RAB6B: variants seen among roughly 807,000 people sequenced by gnomAD.
The protein encoded by RAB6B is ras-related protein Rab-6B.
A neutral mutation model predicts 31.2 loss-of-function variants in RAB6B; 7 were observed. The ratio of observed to expected loss-of-function variants is 0.22; its 90% CI spans 0.13 to 0.42. The LOEUF (loss-of-function observed/expected upper bound fraction) is 0.42, where lower values mean the gene tolerates loss of function less well. RAB6B is among the 10% of genes least tolerant of loss of function. The pLI, the probability that RAB6B is intolerant of heterozygous loss-of-function variation, is 1.00. For missense variants in RAB6B, 149 were observed against 280.6 expected (o/e 0.53, Z 3.35); for synonymous variants, 105 against 104.9 (o/e 1.00, Z -0.01).
chr3:133,876,933 TG>T (rs1936405630), intron 1 of RAB6B, among the ~76,000 whole-genome samples: 1 of 151,698 alleles, frequency 6.6e-6, no homozygotes. Context: ...ACTTTAGCTC[TG>T]GTCAAAATGG....
Position 133,895,564 on chromosome 3 carries a change from G to A in RAB6B, c.-98C>T. 1.6e-6 allele frequency: 2 copies of A among 1,250,898 alleles called. No individual in the cohort carries two copies. Among genetic ancestry groups the A allele is most frequent in the South Asian group, 1.3e-5 (1 of 78,024 alleles). 77.5% of individuals were successfully genotyped at this position (1,250,898 alleles called of 1,614,324 possible). ...CGAGGGGAGGCGGCCGGCGGTGCGG[G>A]AGCCGGAGGGGGAAGGGCTGGCTGC... On this transcript the variant is annotated 5_prime_UTR_variant, in exon 1 of 8. Transcript: ENST00000285208.
chr3:133,885,849 G>C (rs943289666), intron 1 of RAB6B, among the ~76,000 whole-genome samples: 1 of 152,204 alleles, frequency 6.6e-6, no homozygotes, highest in Non-Finnish European at 1.5e-5. Context: ...TTCAGAACTG[G>C]AAGGAAGCTT....
At chr3:133,829,226 G>T (rs1323965602) in intron 7 of RAB6B, among the ~76,000 whole-genome samples, 1 of 152,206 alleles carries the variant, frequency 6.6e-6, no homozygotes, top group East Asian at 1.9e-4. Flanking sequence ...CAATGGAGAT[G>T]AAGAGCCTGC....
At chr3:133,893,824 G>C (rs999335910) in intron 1 of RAB6B, among the ~76,000 whole-genome samples, 2 of 152,148 alleles carry the variant, frequency 1.3e-5, no homozygotes, top group African/African-American at 4.8e-5. Context: ...CTAGCACTGG[G>C]ATGTGAATAC....
chr3:133,827,223 T>C lies in RAB6B; in HGVS notation c.*1565A>G, dbSNP rs1228567643. On this transcript the variant is annotated 3_prime_UTR_variant, in exon 8 of 8. Transcript: ENST00000285208. ...GTTTCAAAATTCATTCCAACGACCT[T>C]GTGGAGTTCAGCCCACCATACCCCA... The C allele has an allele frequency of 6.6e-6, 1 of 152,228 alleles. No homozygotes were observed. Among genetic ancestry groups the C allele is most frequent in the Non-Finnish European group, 1.5e-5 (1 of 68,052 alleles). The allele number at this position is 152,228 out of a possible 1,614,324, so 9.4% of individuals were successfully genotyped here.
chr3:133,893,797 C>G (rs978298880), intron 1 of RAB6B, among the ~76,000 whole-genome samples: 4 of 152,182 alleles, frequency 2.6e-5, no homozygotes, highest in African/African-American at 9.7e-5. Flanking sequence ...TCTCCCAGGG[C>G]TCCAGGCCGG....
intron 1 of RAB6B, among the ~76,000 whole-genome samples, chr3:133,870,878 A>G (rs1027150657): frequency 2.6e-5 from 4 of 152,226 alleles, no homozygotes; most frequent in Admixed American, 6.5e-5. Flanking sequence ...GGGGATGTCC[A>G]GAGGAGCTTG....
intron 7 of RAB6B, among the ~76,000 whole-genome samples, chr3:133,832,643 G>A (rs1335776659): frequency 6.6e-6 from 1 of 152,216 alleles, no homozygotes; most frequent in African/African-American, 2.4e-5. Context: ...GGCTGCCTCT[G>A]CCTGGTCCCT....
intron 5 of RAB6B, among the ~76,000 whole-genome samples, chr3:133,838,809 G>A (rs1478457359): frequency 6.6e-6 from 1 of 152,206 alleles, no homozygotes; most frequent in Non-Finnish European, 1.5e-5. Flanking sequence ...TAGTAAAGCA[G>A]GCTCTAATTC....
intron 2 of RAB6B, among the ~76,000 whole-genome samples, chr3:133,845,414 C>A (rs965977781): frequency 1.3e-5 from 2 of 152,220 alleles, no homozygotes; most frequent in Non-Finnish European, 2.9e-5. Context: ...GAGGACACAG[C>A]ATAAAGGTGA....
chr3:133,874,895 A>G (rs1936370874), intron 1 of RAB6B, among the ~76,000 whole-genome samples: 1 of 152,116 alleles, frequency 6.6e-6, no homozygotes. Context: ...GATCACCAAT[A>G]TCGCTGTCTT....
chr3:133,850,624 T>A (rs1444999312), intron 2 of RAB6B, among the ~76,000 whole-genome samples: 2 of 151,610 alleles, frequency 1.3e-5, no homozygotes, highest in Non-Finnish European at 2.9e-5. Flanking sequence ...AAAGGAAGCA[T>A]AAAGAGAAAA....
intron 1 of RAB6B, among the ~76,000 whole-genome samples, chr3:133,891,604 T>G (rs1391368417): frequency 6.6e-6 from 1 of 152,046 alleles, no homozygotes; most frequent in East Asian, 1.9e-4. Context: ...GGACTATAAG[T>G]TCCAGGAGGG....
rs1020325020 is a variant in RAB6B at position 133,828,816 on chromosome 3, G to A, written c.599C>T (p.Pro200Leu). The A allele has an allele frequency of 1.3e-5, 21 of 1,612,406 alleles. No homozygotes were observed. Among genetic ancestry groups the A allele is most frequent in the Non-Finnish European group, 1.8e-5 (21 of 1,179,162 alleles). The change falls in exon 8 of 8, where the codon CCG becomes CTG. Residue 200 changes from proline to leucine, a missense_variant. By Grantham distance (98) the Pro-to-Leu change is moderately conservative. Transcript: ENST00000285208. ...GCAGGAGCAGCCGCCCTCGCTGGCC[G>A]GGGGCTCCTGGGGTTTGTCCAGCTT... ...DIKLDKPQEP[P>L]ASEGGCSC
intron 6 of RAB6B, 32 bp from the exon 7 acceptor site, chr3:133,834,673 C>T: frequency 1.2e-6 from 2 of 1,602,658 alleles, no homozygotes; most frequent in Non-Finnish European, 1.7e-6. Flanking sequence ...GTGTGAACCC[C>T]AACCCTGGCC....
chr3:133,887,987 C>T (rs1347735530), intron 1 of RAB6B, among the ~76,000 whole-genome samples: 1 of 152,194 alleles, frequency 6.6e-6, no homozygotes, highest in Admixed American at 6.5e-5. Flanking sequence ...CACGGAGACC[C>T]TGCTTCCCTC....
In RAB6B at chr3:133,895,687, G is replaced by GGCTGGGGCTGGGCT. The variant is rs1377918280; in HGVS notation, c.-235_-222dup. 1.7e-6 allele frequency: 1 copy of GGCTGGGGCTGGGCT among 579,612 alleles called. No individual in the cohort carries two copies. The highest frequency in any genetic ancestry group is 3.0e-6 in the Non-Finnish European group (1 of 330,834). The allele number at this position is 579,612 out of a possible 1,614,324, so 35.9% of individuals were successfully genotyped here. A position where few individuals can be genotyped will look rare whatever the true frequency, so the allele number is the denominator to read the frequency against. On this transcript the variant is annotated 5_prime_UTR_variant, in exon 1 of 8. Transcript: ENST00000285208. Reference sequence around the variant, plus strand: ...GGAGAGAGAGGCGGAGGCGGAGGAAGGCTGGGGCTGGGCTGCTGCGGTCGG... The same window carrying GGCTGGGGCTGGGCT: ...GGAGAGAGAGGCGGAGGCGGAGGAAGGCTGGGGCTGGGCTGCTGGGGCTGGGCTGCTGCGGTCGG...
At chr3:133,838,398 G>T in intron 5 of RAB6B, 139 bp from the exon 6 acceptor site, 2 of 755,722 alleles carry the variant, frequency 2.6e-6, no homozygotes, top group Non-Finnish European at 4.6e-6. Context: ...GATCCCAAGG[G>T]TCCCTCCCGG....
chr3:133,828,075 T>A lies in RAB6B; in HGVS notation c.*713A>T. On this transcript the variant is annotated 3_prime_UTR_variant, in exon 8 of 8. Transcript: ENST00000285208. ...GTACCCTCAACCCCCTTCAAGGCTTTTCAGGGAAAGAGAAGGAGAGGTGGG... is the reference window on the plus strand; with the variant it reads ...GTACCCTCAACCCCCTTCAAGGCTTATCAGGGAAAGAGAAGGAGAGGTGGG... The A allele has an allele frequency of 4.4e-6, 3 of 676,904 alleles. No individual in the cohort carries two copies. The highest frequency in any genetic ancestry group is 8.1e-6 in the Non-Finnish European group (3 of 369,552). The allele number at this position is 676,904 out of a possible 1,614,324, so 41.9% of individuals were successfully genotyped here.
Sources: gnomAD v4.1 joint callset for allele counts (sites outside exome capture counted in the v4.1 genomes callset) on GRCh38, gnomAD v4.1.1 for gene constraint, MANE v1.5 for transcripts, NCBI Gene and HGNC (gene_info 2026-07-23, HGNC 2026-07-21) for gene names.